Variants in XRCC3 observed in about 807,000 individuals in gnomAD.
XRCC3 encodes DNA repair protein XRCC3.
Under a neutral mutation model 29.2 loss-of-function variants are expected in XRCC3, and 34 were observed. The ratio of observed to expected loss-of-function variants is 1.16; its 90% CI spans 0.88 to 1.55. The LOEUF (loss-of-function observed/expected upper bound fraction) is 1.55, where lower values mean the gene tolerates loss of function less well. Ranked by LOEUF, XRCC3 falls within the 40% of genes most tolerant of loss-of-function variation. XRCC3 has a pLI of 0.00. For missense variants in XRCC3, 463 were observed against 467.6 expected, an observed-to-expected ratio of 0.99 and a Z score of 0.09; for synonymous variants, 223 against 211.3, an observed-to-expected ratio of 1.06 and a Z score of -0.48.
At chr14:103,700,477 T>G in intron 7 of XRCC3, 1 of 547,002 alleles carries the variant, frequency 1.8e-6, no homozygotes, top group Non-Finnish European at 3.2e-6. Context: ...AGCAGTGTAG[T>G]TCAGGCCCCA....
chr14:103,701,595 G>GC (rs2083196844), intron 7 of XRCC3: 1 of 182,056 alleles, frequency 5.5e-6, no homozygotes, highest in Non-Finnish European at 1.1e-5. Context: ...GGGAAGGCTG[G>GC]CGGGCGCGGT....
Position 103,698,623 on chromosome 14 carries a change from T to C in XRCC3, c.*175A>G. 1 of 652,022 alleles carries C rather than the reference T, an allele frequency of 1.5e-6. No homozygotes were observed. Among genetic ancestry groups the C allele is most frequent in the Non-Finnish European group, 2.7e-6 (1 of 370,110 alleles). The allele number at this position is 652,022 out of a possible 1,614,324, so 40.4% of individuals were successfully genotyped here. A position where few individuals can be genotyped will look rare whatever the true frequency, so the allele number is the denominator to read the frequency against. ...AGGCAGAACATCCCCCCAGCTCAGATGGGGGTCAGTCTGTGGCCACCATCT... is the reference window on the plus strand; with the variant it reads ...AGGCAGAACATCCCCCCAGCTCAGACGGGGGTCAGTCTGTGGCCACCATCT... On this transcript the variant is annotated 3_prime_UTR_variant, in exon 10 of 10. Transcript: ENST00000555055.
intron 7 of XRCC3, chr14:103,701,058 C>T: frequency 9.7e-7 from 1 of 1,035,412 alleles, no homozygotes; most frequent in Non-Finnish European, 1.4e-6. Flanking sequence ...CCCCTCGGCC[C>T]CAGGGAGGCT....
intron 2 of XRCC3, chr14:103,712,631 C>T (rs1047436512): frequency 3.9e-5 from 6 of 152,500 alleles, no homozygotes; most frequent in African/African-American, 1.4e-4. Context: ...CAGCCCAGAT[C>T]TGCACGGAGG....
chr14:103,701,298 G>T, intron 7 of XRCC3: 1 of 1,303,636 alleles, frequency 7.7e-7, no homozygotes. Context: ...CTGGCCGGGA[G>T]CCGCAGCGCT....
chr14:103,708,631 TA>T lies in XRCC3; in HGVS notation c.83del (p.Leu28TyrfsTer8), dbSNP rs766346302. The T allele has an allele frequency of 1.3e-5, 21 of 1,614,050 alleles. No individual in the cohort carries two copies. The highest frequency in any genetic ancestry group is 1.7e-5 in the Non-Finnish European group (20 of 1,180,032). The stretch of plus-strand genomic sequence containing the variant: ...TCTTCAAGTCTGGTCCAGAAAAGTG[TA>T]AAACCTCCTTTACCGATTTCAGTTT... ...KAKLKSVKEV[L>X]HFSGPDLKRL... is the part of the protein sequence containing the mutation. On this transcript the variant is annotated frameshift_variant, in exon 5 of 10. Coordinates refer to ENST00000555055, the MANE Select transcript of XRCC3 (RefSeq NM_005432.4). LOFTEE classifies it high-confidence loss of function.
At chr14:103,715,012 T>C (rs2151947748) in intron 1 of XRCC3, among the ~76,000 whole-genome samples, 1 of 152,308 alleles carries the variant, frequency 6.6e-6, no homozygotes, top group Non-Finnish European at 1.5e-5. Flanking sequence ...AATCAAAGTA[T>C]TAAAATAACT....
In XRCC3 at chr14:103,698,830, C is replaced by G. The variant is rs1459154997; in HGVS notation, c.1009G>C (p.Val337Leu). 5 of 1,605,798 alleles carry G rather than the reference C, an allele frequency of 3.1e-6. No individual in the cohort carries two copies. In the African/African-American group the frequency reaches 6.7e-5, roughly 21 times the overall value. The change falls in exon 10 of 10, where the codon GTG (valine) becomes CTG (leucine). Residue 337 changes from valine (V) to leucine (L), a missense_variant. Val to Leu is a conservative substitution (Grantham distance 32). Coordinates refer to ENST00000555055, the MANE Select transcript of XRCC3 (RefSeq NM_005432.4). ...GACTGGGTCCCAGGTGTCCCTCGCA[C>G]CCCTTCGGCACTGATCGTGTAGGAA... is the stretch of plus-strand genomic sequence containing the variant. Reference protein sequence around the residue: ...SCSYTISAEGVRGTPGTQSH With the variant: ...SCSYTISAEGLRGTPGTQSH
intron 2 of XRCC3, chr14:103,712,038 A>G: frequency 3.0e-6 from 1 of 336,594 alleles, no homozygotes; most frequent in Non-Finnish European, 5.9e-6. Context: ...ACCACACAGA[A>G]TGCGGCACTG....
At chr14:103,701,566 TA>T (rs2151925705) in intron 7 of XRCC3, 1 of 221,168 alleles carries the variant, frequency 4.5e-6, no homozygotes, top group African/African-American at 2.3e-5. Context: ...AAAGTTTTTA[TA>T]AGACCTCTTA....
intron 3 of XRCC3, 71 bp from the exon 4 acceptor site, chr14:103,711,316 T>A: frequency 1.5e-6 from 1 of 680,730 alleles, no homozygotes; most frequent in Non-Finnish European, 2.7e-6. Context: ...TGTCTGTCAT[T>A]TACCTCTAAG....
intron 7 of XRCC3, chr14:103,701,372 C>T (rs2083184836): frequency 8.9e-6 from 6 of 671,684 alleles, no homozygotes; most frequent in Non-Finnish European, 1.4e-5. Context: ...GCTGGCGTGA[C>T]CTTGGGGCTG....
chr14:103,703,684 G>A, intron 6 of XRCC3: 2 of 354,290 alleles, frequency 5.6e-6, no homozygotes, highest in South Asian at 4.9e-5. Flanking sequence ...GCAGGGCAGG[G>A]AGCAAGTGGC....
chr14:103,708,163 G>T, intron 5 of XRCC3: 1 of 375,824 alleles, frequency 2.7e-6, no homozygotes, highest in Non-Finnish European at 5.1e-6. Flanking sequence ...ACACGTGGTG[G>T]TGGGACCGTG....
At position 103,698,451 on chromosome 14, in the gene XRCC3, C is replaced by A; in HGVS notation, c.*347G>T. 2.8e-6 allele frequency: 1 copy of A among 359,074 alleles called. No individual in the cohort carries two copies. Among genetic ancestry groups the A allele is most frequent in the Non-Finnish European group, 5.3e-6 (1 of 187,688 alleles). 22.2% of individuals were successfully genotyped at this position (359,074 alleles called of 1,614,324 possible). On this transcript the variant is annotated 3_prime_UTR_variant, in exon 10 of 10. Coordinates refer to ENST00000555055, the MANE Select transcript of XRCC3 (RefSeq NM_005432.4). ...CTCAGACGCAACCCCAGTTGGGCTT[C>A]CATGTGGAGAGAAGAAGCAGGCGGC...
rs987365179 is a variant in XRCC3 at position 103,708,835 on chromosome 14, C to T, written c.56-176G>A. On this transcript the variant is annotated intron_variant, in intron 4 of 9. Coordinates refer to ENST00000555055, the MANE Select transcript of XRCC3 (RefSeq NM_005432.4). Reference sequence around the variant, plus strand: ...CTGGAAACCCTGGACACAGTGTGGCCGATGCACAGGCACGAGGAAAGGGCT... The same window carrying T: ...CTGGAAACCCTGGACACAGTGTGGCTGATGCACAGGCACGAGGAAAGGGCT... 19 of 792,472 alleles carry T rather than the reference C, an allele frequency of 2.4e-5. No individual in the cohort carries two copies. In the African/African-American group the frequency reaches 2.6e-4, roughly 11 times the overall value. The allele number at this position is 792,472 out of a possible 1,614,324, so 49.1% of individuals were successfully genotyped here.
rs1403843730 is a variant in XRCC3, at chr14:103,698,441, A to G, written c.*357T>C. ...GGGGGCAGGCCTCAGACGCAACCCC[A>G]GTTGGGCTTCCATGTGGAGAGAAGA... is the stretch of plus-strand genomic sequence containing the variant. On this transcript the variant is annotated 3_prime_UTR_variant, in exon 10 of 10. Transcript: ENST00000555055. 4.7e-5 allele frequency: 16 copies of G among 342,812 alleles called. 1 individual carries two copies. The highest frequency in any genetic ancestry group is 4.0e-4 in the South Asian group (16 of 39,710). The allele number at this position is 342,812 out of a possible 1,614,324, so 21.2% of individuals were successfully genotyped here. A position where few individuals can be genotyped will look rare whatever the true frequency, so the allele number is the denominator to read the frequency against.
chr14:103,699,641 G>C (rs974065905), intron 7 of XRCC3, 65 bp from the exon 8 acceptor site: 3 of 1,536,136 alleles, frequency 2.0e-6, no homozygotes, highest in Admixed American at 1.7e-5. Flanking sequence ...ACCAGACCCC[G>C]TTTGGACTGT....
chr14:103,707,034 C>G lies in XRCC3; in HGVS notation c.375G>C (p.Gln125His). The change falls in exon 6 of 10, where the codon CAG becomes CAC. Residue 125 changes from glutamine (Q) to histidine (H), a missense_variant. Physicochemically the swap from Gln to His is conservative, Grantham distance 24 (BLOSUM62 0). Transcript: ENST00000555055. ...CCAGGCCTCCGTGCTGCCGCGGGAACTGCACAGCCAGGCAGAGCTGCAGCG... is the reference window on the plus strand; with the variant it reads ...CCAGGCCTCCGTGCTGCCGCGGGAAGTGCACAGCCAGGCAGAGCTGCAGCG... ...QLALQLCLAV[Q>H]FPRQHGGLEA... 6.4e-7 allele frequency: 1 copy of G among 1,567,264 alleles called. No homozygotes were observed. The highest frequency in any genetic ancestry group is 8.6e-7 in the Non-Finnish European group (1 of 1,159,652).
Sources: allele counts gnomAD v4.1 joint callset (sites outside exome capture counted in the v4.1 genomes callset), GRCh38; gene constraint gnomAD v4.1.1; transcripts MANE v1.5; gene names NCBI Gene and HGNC (gene_info 2026-07-23, HGNC 2026-07-21).